Variants in PDE11A observed in about 807,000 individuals in gnomAD.
PDE11A encodes the protein phosphodiesterase 11A.
Under a neutral mutation model 100.5 loss-of-function variants are expected in PDE11A, and 100 were observed. That is an observed-to-expected ratio of 1.00 (90% CI 0.85 to 1.18). The LOEUF (loss-of-function observed/expected upper bound fraction) is 1.18, where lower values mean the gene tolerates loss of function less well. Ranked by LOEUF, PDE11A falls within the 50% of genes most tolerant of loss-of-function variation. The probability of loss-of-function intolerance (pLI) is 0.00; values close to 1 mark genes in which losing one functional copy is unlikely to be tolerated. For missense variants in PDE11A, 1,141 were observed against 1,152.6 expected, an observed-to-expected ratio of 0.99 and a Z score of 0.15; for synonymous variants, 381 against 420.8, an observed-to-expected ratio of 0.91 and a Z score of 1.16.
chr2:177,816,411 T>C (rs979455714), intron 9 of PDE11A, among the ~76,000 whole-genome samples: 1 of 152,088 alleles, frequency 6.6e-6, no homozygotes, highest in Admixed American at 6.6e-5. Flanking sequence ...AATCGGATAA[T>C]GACAGGAGTA....
intron 1 of PDE11A, among the ~76,000 whole-genome samples, chr2:178,046,343 T>C (rs565729162): frequency 2.0e-5 from 3 of 152,204 alleles, no homozygotes; most frequent in Admixed American, 2.0e-4. Flanking sequence ...CTTATGTTAT[T>C]ATAATGTTGA....
chr2:177,815,441 G>A (rs1663653957), intron 9 of PDE11A, among the ~76,000 whole-genome samples: 1 of 152,068 alleles, frequency 6.6e-6, no homozygotes, highest in African/African-American at 2.4e-5. Flanking sequence ...ATTTATTGAT[G>A]CATCTTATAG....
chr2:177,697,278 T>C (rs2081126599), intron 15 of PDE11A, 54 bp downstream of exon 15: 1 of 861,088 alleles, frequency 1.2e-6, no homozygotes, highest in Non-Finnish European at 2.0e-6. Context: ...GACCTGGAGA[T>C]TAGTTACAGG....
chr2:177,969,502 C>G (rs1380088272), intron 2 of PDE11A, among the ~76,000 whole-genome samples: 1 of 152,134 alleles, frequency 6.6e-6, no homozygotes, highest in Admixed American at 6.5e-5. Context: ...TATAAACACT[C>G]AGTGTTCCAT....
intron 2 of PDE11A, among the ~76,000 whole-genome samples, chr2:177,907,810 C>T (rs1294526470): frequency 2.6e-5 from 4 of 152,222 alleles, no homozygotes; most frequent in East Asian, 1.9e-4. Context: ...GGGTTGCTTA[C>T]ATTTCAGGTT....
chr2:177,757,270 T>C lies in PDE11A; in HGVS notation c.1788+12053A>G, dbSNP rs543031542. Among the ~76,000 whole-genome samples, 56 of 152,284 alleles carry C rather than the reference T, an allele frequency of 3.7e-4. 1 individual carries two copies. The highest frequency in any genetic ancestry group is 1.3e-3 in the African/African-American group (56 of 41,552). On this transcript the variant is annotated intron_variant, in intron 10 of 19. Transcript: ENST00000286063. Reference sequence around the variant, plus strand: ...ACTGTCACATGGAGTAGACTGAGCATATACTGGGGCCCAAGAAAAGGGCCT... The same window carrying C: ...ACTGTCACATGGAGTAGACTGAGCACATACTGGGGCCCAAGAAAAGGGCCT...
chr2:178,007,220 G>C (rs1418791020), intron 2 of PDE11A, among the ~76,000 whole-genome samples: 2 of 152,130 alleles, frequency 1.3e-5, no homozygotes, highest in African/African-American at 4.8e-5. Context: ...AATGGTCTCT[G>C]TTTTCAATAT....
At chr2:177,720,697 C>T (rs1040747335) in intron 12 of PDE11A, among the ~76,000 whole-genome samples, 2 of 152,084 alleles carry the variant, frequency 1.3e-5, no homozygotes, top group Non-Finnish European at 1.5e-5. Flanking sequence ...TTCATGGGAA[C>T]GGGATAGTTT....
Position 177,663,858 on chromosome 2 carries a change from C to T in PDE11A, c.2646+8G>A, listed in dbSNP as rs775716493. 1.3e-6 allele frequency: 2 copies of T among 1,510,762 alleles called. No homozygotes were observed. The highest frequency in any genetic ancestry group is 1.1e-5 in the South Asian group (1 of 88,942). The allele number at this position is 1,510,762 out of a possible 1,614,324, so 93.6% of individuals were successfully genotyped here. A position where few individuals can be genotyped will look rare whatever the true frequency, so the allele number is the denominator to read the frequency against. On this transcript the variant is annotated splice_region_variant and intron_variant, in intron 19 of 19. Coordinates refer to ENST00000286063, the MANE Select transcript of PDE11A (RefSeq NM_016953.4). ...TCAGAACATGTAGGCCCTCCCAAAT[C>T]AAAGTACCTGATACAAAGGCATGCA...
At chr2:177,747,896 G>A (rs1025062364) in intron 10 of PDE11A, among the ~76,000 whole-genome samples, 1 of 151,956 alleles carries the variant, frequency 6.6e-6, no homozygotes, top group Admixed American at 6.6e-5. Flanking sequence ...CAGAGAGGTC[G>A]AATAACTTGC....
At chr2:177,769,267 G>T in intron 10 of PDE11A, 56 bp downstream of exon 10, 1 of 971,880 alleles carries the variant, frequency 1.0e-6, no homozygotes, top group Non-Finnish European at 1.7e-6. Context: ...CAGAGCTCAG[G>T]AGGCCAGGAG....
At chr2:177,667,190 A>G (rs562267694) in intron 18 of PDE11A, among the ~76,000 whole-genome samples, 45 of 152,278 alleles carry the variant, frequency 3.0e-4, no homozygotes, top group African/African-American at 1.0e-3. Flanking sequence ...CTGGGATTAA[A>G]GGCGTGAGCC....
intron 1 of PDE11A, among the ~76,000 whole-genome samples, chr2:178,060,305 G>T (rs1485227296): frequency 6.6e-6 from 1 of 152,026 alleles, no homozygotes; most frequent in African/African-American, 2.4e-5. Flanking sequence ...TTTAAGTAAT[G>T]ATTAGTACAT....
intron 4 of PDE11A, among the ~76,000 whole-genome samples, chr2:177,882,027 C>G (rs1004501274): frequency 1.3e-5 from 2 of 152,104 alleles, no homozygotes; most frequent in African/African-American, 4.8e-5. Context: ...AACAGTATTG[C>G]AATGATAGAA....
chr2:178,076,668 G>A (rs2087211177), upstream of PDE11A, among the ~76,000 whole-genome samples: 1 of 152,154 alleles, frequency 6.6e-6, no homozygotes, highest in Admixed American at 6.5e-5. Context: ...GACTTTTATT[G>A]TGTGACCACT....
chr2:177,970,557 T>A (rs928929418), intron 2 of PDE11A, among the ~76,000 whole-genome samples: 1 of 151,624 alleles, frequency 6.6e-6, no homozygotes, highest in Non-Finnish European at 1.5e-5. Context: ...AGGAAGTTAG[T>A]GAGTTTGATT....
At chr2:177,991,288 G>A (rs1341491602) in intron 2 of PDE11A, among the ~76,000 whole-genome samples, 1 of 148,686 alleles carries the variant, frequency 6.7e-6, no homozygotes, top group Non-Finnish European at 1.5e-5. Flanking sequence ...CCAAGATTGT[G>A]CCACTGTACT....
chr2:177,910,810 A>G (rs1159883030), intron 2 of PDE11A, among the ~76,000 whole-genome samples: 2 of 152,220 alleles, frequency 1.3e-5, no homozygotes, highest in African/African-American at 4.8e-5. Flanking sequence ...AAAAAAAGAC[A>G]GTAGGTAGCC....
At chr2:177,959,065 A>G (rs75504496) in intron 2 of PDE11A, among the ~76,000 whole-genome samples, 127 of 152,346 alleles carry the variant, frequency 8.3e-4, no homozygotes, top group African/African-American at 2.9e-3. Flanking sequence ...ATAAGAAAAG[A>G]GTAACTTGAA....
Sources: allele counts gnomAD v4.1 joint callset (sites outside exome capture counted in the v4.1 genomes callset), GRCh38; gene constraint gnomAD v4.1.1; transcripts MANE v1.5; gene names NCBI Gene and HGNC (gene_info 2026-07-23, HGNC 2026-07-21).